The following FBLN7 variants were observed in gnomAD, a reference collection of about 807,000 sequenced individuals.
The protein encoded by FBLN7 is fibulin 7.
Under a neutral mutation model 44.0 loss-of-function variants are expected in FBLN7, and 31 were observed. The observed-to-expected ratio is 0.70, with a 90% CI of 0.53 to 0.95. The LOEUF is 0.95. Among genes scored for constraint, FBLN7 ranks in the 40% least tolerant of loss-of-function variants. FBLN7 has a pLI of 0.00. For synonymous variants in FBLN7, 262 were observed against 253.4 expected, an observed-to-expected ratio of 1.03 and a Z score of -0.32; for missense variants, 573 against 618.5, an observed-to-expected ratio of 0.93 and a Z score of 0.78.
At chr2:112,207,514 T>G in the FBLN7 span, among the ~76,000 whole-genome samples, 3 of 152,060 alleles carry the variant, frequency 2.0e-5, no homozygotes, top group African/African-American at 4.8e-5. Context: ...TTGAGGTATA[T>G]TCAATAAATT....
chr2:112,236,826 T>C, the FBLN7 span: 2 of 846,100 alleles, frequency 2.4e-6, no homozygotes, highest in East Asian at 5.3e-5. Flanking sequence ...GCAGGAGGAC[T>C]GCTCAAAGCT....
chr2:112,236,412 T>G, the FBLN7 span: 1 of 982,594 alleles, frequency 1.0e-6, no homozygotes, highest in Non-Finnish European at 1.5e-6. Context: ...GAGAACCCAG[T>G]GACAGTAAAA....
In FBLN7 at chr2:112,162,318, C is replaced by CT. The variant is rs557275122; in HGVS notation, c.235+2499dup. On this transcript the variant is annotated intron_variant, in intron 2 of 7. Transcript: ENST00000331203. ...TGCTCCTGTGCCAGGCCTGTTTTGC[C>CT]TTTTTTTTTTTTTTTTAAGGGAATT... 6.1e-3 allele frequency among the ~76,000 whole-genome samples: 848 copies of CT among 138,254 alleles called. 3 individuals are homozygous for CT. Among genetic ancestry groups the CT allele is most frequent in the Middle Eastern group, 0.011 (3 of 270 alleles). The allele number at this position is 138,254 out of a possible 152,430, so 90.7% of individuals were successfully genotyped here.
rs150207024 is a variant in FBLN7, at chr2:112,162,117, C to T, written c.235+2282C>T. Among the ~76,000 whole-genome samples, 351 of 152,278 alleles carry T rather than the reference C, an allele frequency of 2.3e-3. 2 individuals carry two copies. The highest frequency in any genetic ancestry group is 8.2e-3 in the African/African-American group (340 of 41,568). ...TTCACTGCAGCCTCCCAGGCTCAAG[C>T]GATCCTCTCACCTCAGCCTCCTAGG... On this transcript the variant is annotated intron_variant, in intron 2 of 7. Transcript: ENST00000331203.
intron 2 of FBLN7, among the ~76,000 whole-genome samples, chr2:112,164,728 G>A (rs917447318): frequency 3.3e-5 from 5 of 152,214 alleles, no homozygotes; most frequent in African/African-American, 1.2e-4. Flanking sequence ...ATTGCAGGGT[G>A]GGCCTCCCAC....
Position 112,187,358 on chromosome 2 carries a change from G to A in FBLN7, c.1172G>A (p.Arg391Gln), listed in dbSNP as rs199980872. 28 of 1,614,150 alleles carry A rather than the reference G, an allele frequency of 1.7e-5. No individual in the cohort carries two copies. Among genetic ancestry groups the A allele is most frequent in the East Asian group, 4.5e-5 (2 of 44,882 alleles). Residue 391 changes from arginine to glutamine, a missense_variant, in exon 8 of 8, where the codon CGG becomes CAG. Arg to Gln is a conservative substitution (Grantham distance 43). Transcript: ENST00000331203. This position sits in a 1 kb window ranked among gnomAD's most constrained non-coding sequence, Gnocchi z 5.1. Reference sequence around the variant, plus strand: ...CACTTTGTGATGCAGCGTTCAGACCGGCAGACTGGGGATCTGATCCTTGTG... The same window carrying A: ...CACTTTGTGATGCAGCGTTCAGACCAGCAGACTGGGGATCTGATCCTTGTG... The part of the protein sequence containing the change: ...RGHFVMQRSD[R>Q]QTGDLILVQN...
intron 3 of FBLN7, among the ~76,000 whole-genome samples, chr2:112,165,622 G>A (rs1215039003): frequency 1.3e-5 from 2 of 152,162 alleles, no homozygotes; most frequent in Non-Finnish European, 2.9e-5. Context: ...GGAAGGTACT[G>A]CAGGATGATG....
chr2:112,177,286 T>G (rs1366372454), intron 4 of FBLN7: 1 of 152,148 alleles, frequency 6.6e-6, no homozygotes, highest in Non-Finnish European at 1.5e-5. Flanking sequence ...TGTTATAAAG[T>G]GTCCCCATGG....
intron 1 of FBLN7, among the ~76,000 whole-genome samples, chr2:112,148,739 C>T (rs1243993667): frequency 6.6e-6 from 1 of 152,212 alleles, no homozygotes; most frequent in Non-Finnish European, 1.5e-5. Flanking sequence ...CTCCAGGAGG[C>T]TAGCTGGGGC....
chr2:112,182,762 A>C, intron 5 of FBLN7, 29 bp from the exon 6 acceptor site: 1 of 1,568,534 alleles, frequency 6.4e-7, no homozygotes. Flanking sequence ...CATGGCTCCT[A>C]AAGTCACAGT....
chr2:112,175,952 T>C, intron 4 of FBLN7, 113 bp downstream of exon 4: 3 of 1,349,422 alleles, frequency 2.2e-6, no homozygotes, highest in Non-Finnish European at 3.0e-6. Flanking sequence ...CACTCAAAGA[T>C]GTAGCTTTTC....
intron 2 of FBLN7, among the ~76,000 whole-genome samples, chr2:112,162,546 T>C (rs547248198): frequency 6.6e-6 from 1 of 152,246 alleles, no homozygotes; most frequent in South Asian, 2.1e-4. Context: ...CCTTACATGC[T>C]AACTTCACCT....
the FBLN7 span, chr2:112,236,591 A>C: frequency 2.5e-6 from 4 of 1,613,836 alleles, no homozygotes; most frequent in African/African-American, 2.7e-5. Context: ...TTCCTCAGCA[A>C]AGCATTTGAT....
At chr2:112,140,662 C>T (rs915443641) in intron 1 of FBLN7, among the ~76,000 whole-genome samples, 2 of 152,150 alleles carry the variant, frequency 1.3e-5, no homozygotes, top group Non-Finnish European at 2.9e-5. Flanking sequence ...ATGAGAGCTC[C>T]AGGTCACCTA....
the FBLN7 span, among the ~76,000 whole-genome samples, chr2:112,209,393 G>T: frequency 6.6e-6 from 1 of 152,106 alleles, no homozygotes; most frequent in Non-Finnish European, 1.5e-5. Flanking sequence ...GAATTACCCT[G>T]GGAAAAACTC....
the FBLN7 span, among the ~76,000 whole-genome samples, chr2:112,224,189 TCA>T: frequency 6.6e-6 from 1 of 152,194 alleles, no homozygotes; most frequent in African/African-American, 2.4e-5. Context: ...TTTGAAAACT[TCA>T]CATTTATATT....
chr2:112,154,322 C>T (rs1367612948), intron 1 of FBLN7, among the ~76,000 whole-genome samples: 1 of 152,190 alleles, frequency 6.6e-6, no homozygotes, highest in Non-Finnish European at 1.5e-5. Flanking sequence ...TTGAGGGGAT[C>T]TCTCTAAGAA....
chr2:112,159,339 AG>A (rs1212119440), intron 1 of FBLN7, among the ~76,000 whole-genome samples: 2 of 152,208 alleles, frequency 1.3e-5, no homozygotes, highest in African/African-American at 4.8e-5. Context: ...GCCAAGGCCC[AG>A]GGTTTTCAGA....
chr2:112,139,235 C>T (rs1370633946), intron 1 of FBLN7, among the ~76,000 whole-genome samples: 2 of 19,616 alleles, frequency 1.0e-4, no homozygotes, highest in Non-Finnish European at 8.9e-5. Context: ...CTCTCCAGGT[C>T]AGTGTCCCTC....
Sources: gnomAD v4.1 joint callset for allele counts (sites outside exome capture counted in the v4.1 genomes callset) on GRCh38, gnomAD v4.1.1 for gene constraint, Gnocchi (gnomAD v3.1) non-coding constraint, MANE v1.5 for transcripts, NCBI Gene and HGNC (gene_info 2026-07-23, HGNC 2026-07-21) for gene names.